RTF2: variants seen among roughly 807,000 people sequenced by gnomAD.
RTF2 encodes the protein replication termination factor 2, also known as UPF0549 protein C20orf43.
Under a neutral mutation model 38.0 loss-of-function variants are expected in RTF2, and 18 were observed. The ratio of observed to expected loss-of-function variants is 0.47; its 90% CI spans 0.33 to 0.70. The LOEUF (loss-of-function observed/expected upper bound fraction) is 0.70. RTF2 is among the 30% of genes least tolerant of loss of function. The pLI is 0.02. For missense variants in RTF2, 311 were observed against 379.6 expected (o/e 0.82, Z 1.50); for synonymous variants, 126 against 137.1 (o/e 0.92, Z 0.57).
chr20:56,491,391 A>G (rs1983114077), intron 5 of RTF2: 6 of 605,790 alleles, frequency 9.9e-6, no homozygotes, highest in Non-Finnish European at 1.5e-5. Context: ...TCCCAAAGCT[A>G]TAAAAGTGGC....
chr20:56,472,956 C>T (rs1004881805), intron 1 of RTF2, among the ~76,000 whole-genome samples: 8 of 152,058 alleles, frequency 5.3e-5, no homozygotes, highest in Non-Finnish European at 7.4e-5. Context: ...CATGGCAAAA[C>T]CACGTCTCTA....
At chr20:56,476,466 A>G (rs1030418395) in intron 3 of RTF2, among the ~76,000 whole-genome samples, 3 of 151,216 alleles carry the variant, frequency 2.0e-5, no homozygotes, top group Admixed American at 1.3e-4. Context: ...TTTACTTGCT[A>G]GTCAGTGAAT....
At chr20:56,511,209 G>A (rs1984646063) in intron 5 of RTF2, among the ~76,000 whole-genome samples, 1 of 152,146 alleles carries the variant, frequency 6.6e-6, no homozygotes, top group Non-Finnish European at 1.5e-5. Flanking sequence ...ACCGGTGACA[G>A]TCCGTGGCCT....
intron 5 of RTF2, among the ~76,000 whole-genome samples, chr20:56,494,395 T>C (rs946297381): frequency 2.0e-5 from 3 of 152,226 alleles, no homozygotes; most frequent in African/African-American, 7.2e-5. Context: ...TGACTTCTTA[T>C]ACCATGTGCA....
At chr20:56,499,937 T>C (rs534637760) in intron 5 of RTF2, among the ~76,000 whole-genome samples, 1 of 152,072 alleles carries the variant, frequency 6.6e-6, no homozygotes, top group East Asian at 1.9e-4. Context: ...GATTTCACCA[T>C]GTTGGCCAGG....
chr20:56,475,628 A>C (rs1229979971), intron 3 of RTF2, among the ~76,000 whole-genome samples: 1 of 152,216 alleles, frequency 6.6e-6, no homozygotes, highest in Non-Finnish European at 1.5e-5. Context: ...TCTTACATCA[A>C]AAATGTGATA....
intron 5 of RTF2, among the ~76,000 whole-genome samples, chr20:56,500,061 TG>T (rs1282029383): frequency 2.0e-5 from 3 of 151,768 alleles, no homozygotes; most frequent in African/African-American, 4.8e-5. Flanking sequence ...GGTTTTCTGT[TG>T]TTTTTTTTTT....
At chr20:56,498,380 G>A (rs1983698084) in intron 5 of RTF2, among the ~76,000 whole-genome samples, 1 of 152,028 alleles carries the variant, frequency 6.6e-6, no homozygotes, top group Non-Finnish European at 1.5e-5. Context: ...GACTAGCCTG[G>A]GCAACATAGT....
chr20:56,507,636 C>A (rs1984366005), intron 5 of RTF2, among the ~76,000 whole-genome samples: 1 of 152,098 alleles, frequency 6.6e-6, no homozygotes, highest in Non-Finnish European at 1.5e-5. Flanking sequence ...GACCGCTTAC[C>A]CCAACACTGT....
chr20:56,480,139 A>G (rs1982459246), intron 4 of RTF2, among the ~76,000 whole-genome samples: 1 of 152,204 alleles, frequency 6.6e-6, no homozygotes, highest in Non-Finnish European at 1.5e-5. Context: ...TATTTTATCT[A>G]CACTAAAAAT....
At chr20:56,496,877 TG>T in intron 5 of RTF2, 1 of 1,551,814 alleles carries the variant, frequency 6.4e-7, no homozygotes, top group African/African-American at 1.4e-5. Context: ...GACTTTGACT[TG>T]TCTTGGATTT....
At chr20:56,492,426 G>A (rs1476271583) in intron 5 of RTF2, among the ~76,000 whole-genome samples, 2 of 148,658 alleles carry the variant, frequency 1.3e-5, no homozygotes, top group African/African-American at 4.9e-5. Context: ...AAACATTGAG[G>A]TGGGAATTAC....
intron 5 of RTF2, among the ~76,000 whole-genome samples, chr20:56,498,426 C>T (rs1290786459): frequency 6.6e-6 from 1 of 151,698 alleles, no homozygotes; most frequent in Non-Finnish European, 1.5e-5. Flanking sequence ...AAAAATTAGC[C>T]ACATGTGGTG....
At chr20:56,487,580 G>A (rs754397171) in intron 5 of RTF2, among the ~76,000 whole-genome samples, 16 of 152,218 alleles carry the variant, frequency 1.1e-4, no homozygotes, top group Non-Finnish European at 2.2e-4. Context: ...AAGAATGAAC[G>A]AGATAATGAA....
chr20:56,506,987 A>G (rs1222049534), intron 5 of RTF2, among the ~76,000 whole-genome samples: 1 of 152,162 alleles, frequency 6.6e-6, no homozygotes, highest in Non-Finnish European at 1.5e-5. Flanking sequence ...GGCGTGAGCC[A>G]CCGCGCCTGG....
intron 4 of RTF2, among the ~76,000 whole-genome samples, chr20:56,482,803 G>T (rs1394201263): frequency 7.2e-5 from 11 of 152,170 alleles, no homozygotes; most frequent in African/African-American, 1.7e-4. Flanking sequence ...AGTGAAATAT[G>T]AAAGTGCTTT....
intron 4 of RTF2, among the ~76,000 whole-genome samples, chr20:56,481,119 AC>A (rs1481296154): frequency 6.6e-6 from 1 of 152,232 alleles, no homozygotes; most frequent in East Asian, 1.9e-4. Flanking sequence ...GGTAGTCCAG[AC>A]TGCCCTCTGG....
intron 3 of RTF2, 92 bp from the exon 4 acceptor site, chr20:56,476,893 G>A (rs796625581): frequency 2.2e-5 from 28 of 1,256,620 alleles, no homozygotes; most frequent in South Asian, 2.0e-4. Flanking sequence ...TGATGGGAAG[G>A]GCTGGAATAA....
chr20:56,497,211 A>C, intron 5 of RTF2: 2 of 1,551,844 alleles, frequency 1.3e-6, no homozygotes, highest in Middle Eastern at 3.3e-4. Context: ...ATTTTGAGGT[A>C]CATAAATAGC....
Sources: gnomAD v4.1 joint callset for allele counts (sites outside exome capture counted in the v4.1 genomes callset) on GRCh38, gnomAD v4.1.1 for gene constraint, MANE v1.5 for transcripts, NCBI Gene and HGNC (gene_info 2026-07-23, HGNC 2026-07-21) for gene names.